The following CCNY variants were observed in gnomAD, a reference collection of about 807,000 sequenced individuals.
CCNY encodes cyclin-Y.
Under a neutral mutation model 42.8 loss-of-function variants are expected in CCNY, and 19 were observed. The observed-to-expected ratio is 0.44, with a 90% CI of 0.31 to 0.65. The LOEUF (loss-of-function observed/expected upper bound fraction) is 0.65, where lower values mean the gene tolerates loss of function less well. Ranked by LOEUF, CCNY falls within the 30% of genes least tolerant of loss-of-function variation. CCNY has a pLI of 0.07. For missense variants in CCNY, 370 were observed against 437.3 expected, an observed-to-expected ratio of 0.85 and a Z score of 1.37; for synonymous variants, 165 against 162.7, an observed-to-expected ratio of 1.01 and a Z score of -0.11.
chr10:35,420,396 C>G (rs1027395674), intron 1 of CCNY, among the ~76,000 whole-genome samples: 3 of 152,210 alleles, frequency 2.0e-5, no homozygotes, highest in African/African-American at 4.8e-5. Context: ...CTGGCTCTCT[C>G]TCACTTGTGC....
At chr10:35,554,215 C>A (rs909408548) in intron 8 of CCNY, among the ~76,000 whole-genome samples, 6 of 152,016 alleles carry the variant, frequency 3.9e-5, no homozygotes, top group Non-Finnish European at 5.9e-5. Context: ...TTCTGGATTC[C>A]GCAGCAGCCT....
At chr10:35,297,905 G>A (rs1036471988) in intron 3 of CCNY, among the ~76,000 whole-genome samples, 1 of 151,624 alleles carries the variant, frequency 6.6e-6, no homozygotes, top group African/African-American at 2.4e-5. Flanking sequence ...TCATTATAAC[G>A]GCCATACTGC....
rs369091925 is a variant in CCNY at position 35,565,971 on chromosome 10, C to T, written c.747-52C>T. 304 of 1,560,404 alleles carry T rather than the reference C, an allele frequency of 1.9e-4. 2 individuals carry two copies. Among genetic ancestry groups the T allele is most frequent in the South Asian group, 1.4e-3 (110 of 80,954 alleles). On this transcript the variant is annotated intron_variant, in intron 8 of 9. Coordinates refer to ENST00000374704, the MANE Select transcript of CCNY (RefSeq NM_145012.6). ...TCCAGCAACTTGCCTTGGCAGGCCA[C>T]GTGGCCTGGTGTGGCAGCTAAGCAT...
intron 1 of CCNY, among the ~76,000 whole-genome samples, chr10:35,453,564 G>T (rs1368076923): frequency 6.6e-6 from 1 of 152,198 alleles, no homozygotes; most frequent in Admixed American, 6.5e-5. Flanking sequence ...ATTACTGTAT[G>T]ACAAGGTATT....
chr10:35,489,365 A>G (rs112874100), intron 2 of CCNY, among the ~76,000 whole-genome samples: 2 of 152,144 alleles, frequency 1.3e-5, no homozygotes, highest in East Asian at 1.9e-4. Flanking sequence ...CGGTGGCACT[A>G]TCTTGGCTCA....
chr10:35,504,861 C>T (rs965766613), intron 3 of CCNY, among the ~76,000 whole-genome samples: 1 of 151,992 alleles, frequency 6.6e-6, no homozygotes, highest in African/African-American at 2.4e-5. Context: ...GGTCTTGAAC[C>T]CCTGACCTCA....
At chr10:35,533,388 CG>C (rs1295579270) in intron 7 of CCNY, among the ~76,000 whole-genome samples, 1 of 152,134 alleles carries the variant, frequency 6.6e-6, no homozygotes, top group African/African-American at 2.4e-5. Context: ...ATGTTACTGA[CG>C]GGGCCTAGCA....
intron 7 of CCNY, among the ~76,000 whole-genome samples, chr10:35,538,364 C>G (rs990805435): frequency 2.6e-5 from 4 of 152,204 alleles, no homozygotes; most frequent in African/African-American, 7.2e-5. Flanking sequence ...TATGGTAACT[C>G]TGTTTTGAGG....
chr10:35,297,120 A>T (rs1480627331), intron 3 of CCNY, among the ~76,000 whole-genome samples: 2 of 152,092 alleles, frequency 1.3e-5, no homozygotes, highest in African/African-American at 4.8e-5. Context: ...AGTAGACTTT[A>T]CCCCTGGGAT....
chr10:35,364,135 A>G (rs1836759944), intron 1 of CCNY, among the ~76,000 whole-genome samples: 1 of 152,204 alleles, frequency 6.6e-6, no homozygotes, highest in African/African-American at 2.4e-5. Flanking sequence ...CTGGATTAAT[A>G]GTCAACTTAC....
At chr10:35,247,576 A>ACT (rs2095708934) in intron 1 of CCNY, among the ~76,000 whole-genome samples, 1 of 151,470 alleles carries the variant, frequency 6.6e-6, no homozygotes, top group Non-Finnish European at 1.5e-5. Context: ...ACAGAGTGAG[A>ACT]CCTTGTCTCT....
chr10:35,346,598 T>C (rs1372831497), intron 1 of CCNY, among the ~76,000 whole-genome samples: 2 of 152,338 alleles, frequency 1.3e-5, no homozygotes, highest in Middle Eastern at 3.4e-3. Context: ...TCTGTTTTTT[T>C]CACCTTTGTC....
chr10:35,505,150 G>GA (rs954442030), intron 3 of CCNY, among the ~76,000 whole-genome samples: 298 of 140,156 alleles, frequency 2.1e-3, no homozygotes, highest in Non-Finnish European at 2.3e-3. Context: ...AATCACTCCT[G>GA]AAAAAAAAAA....
At chr10:35,331,564 T>A (rs1835944610), upstream of CCNY, among the ~76,000 whole-genome samples, 1 of 152,196 alleles carries the variant, frequency 6.6e-6, no homozygotes, top group Admixed American at 6.5e-5. Flanking sequence ...GCACAAGTGC[T>A]ACCCTCCCTC....
intron 3 of CCNY, among the ~76,000 whole-genome samples, chr10:35,314,349 A>C (rs1400288364): frequency 6.6e-6 from 1 of 152,178 alleles, no homozygotes; most frequent in Non-Finnish European, 1.5e-5. Flanking sequence ...AGAGAATGAG[A>C]GCCAAGCAAA....
At chr10:35,256,449 T>C (rs1043442745) in intron 3 of CCNY, among the ~76,000 whole-genome samples, 6 of 152,114 alleles carry the variant, frequency 3.9e-5, no homozygotes, top group African/African-American at 9.7e-5. Context: ...TAACTTAACA[T>C]ACAAGGCTGG....
chr10:35,271,812 T>C (rs2135044095), intron 3 of CCNY, among the ~76,000 whole-genome samples: 1 of 152,314 alleles, frequency 6.6e-6, no homozygotes, highest in South Asian at 2.1e-4. Flanking sequence ...ATAATTAACC[T>C]CTGGCTTACA....
chr10:35,511,531 A>G (rs1342871020), intron 3 of CCNY, among the ~76,000 whole-genome samples: 2 of 152,218 alleles, frequency 1.3e-5, no homozygotes, highest in Admixed American at 1.3e-4. Flanking sequence ...GAACAGCTCA[A>G]GGGAAGGGCT....
At chr10:35,567,504 A>G (rs970548060) in intron 9 of CCNY, among the ~76,000 whole-genome samples, 6 of 152,074 alleles carry the variant, frequency 3.9e-5, no homozygotes, top group African/African-American at 1.4e-4. Flanking sequence ...GTCTCATCCC[A>G]TAGAGTGTTT....
Sources: gnomAD v4.1 joint callset for allele counts (sites outside exome capture counted in the v4.1 genomes callset) on GRCh38, gnomAD v4.1.1 for gene constraint, MANE v1.5 for transcripts, NCBI Gene and HGNC (gene_info 2026-07-23, HGNC 2026-07-21) for gene names.